Variants in TNIK observed in about 807,000 individuals in gnomAD.
TNIK encodes TRAF2 and NCK interacting kinase.
A neutral mutation model predicts 191.3 loss-of-function variants in TNIK; 49 were observed. That is an observed-to-expected ratio of 0.26 (90% CI 0.20 to 0.32). TNIK has a LOEUF of 0.32. Among genes scored for constraint, TNIK ranks in the 10% least tolerant of loss-of-function variants. TNIK has a pLI of 1.00. For missense variants in TNIK, 1,155 were observed against 1,702.3 expected, an observed-to-expected ratio of 0.68 and a Z score of 5.66; for synonymous variants, 594 against 600.9, an observed-to-expected ratio of 0.99 and a Z score of 0.17.
At chr3:171,235,842 A>T (rs1744200566) in intron 2 of TNIK, among the ~76,000 whole-genome samples, 1 of 152,110 alleles carries the variant, frequency 6.6e-6, no homozygotes, top group African/African-American at 2.4e-5. Context: ...ATTTTTACAT[A>T]CATGAACTTA....
intron 2 of TNIK, among the ~76,000 whole-genome samples, chr3:171,362,996 T>C (rs548781355): frequency 6.6e-6 from 1 of 152,276 alleles, no homozygotes; most frequent in African/African-American, 2.4e-5. Context: ...CCATCCCCAC[T>C]TGCACCTCAA....
chr3:171,266,546 C>A (rs1355264833), intron 2 of TNIK, among the ~76,000 whole-genome samples: 1 of 152,154 alleles, frequency 6.6e-6, no homozygotes, highest in African/African-American at 2.4e-5. Flanking sequence ...ATTTGAAACG[C>A]CTACTTAGGG....
chr3:171,353,188 T>A (rs1713475746), intron 2 of TNIK, among the ~76,000 whole-genome samples: 1 of 152,050 alleles, frequency 6.6e-6, no homozygotes, highest in Non-Finnish European at 1.5e-5. Context: ...ACCAGAAAAT[T>A]TTAAATTAAA....
intron 1 of TNIK, among the ~76,000 whole-genome samples, chr3:171,370,125 G>A (rs1716290870): frequency 6.6e-6 from 1 of 152,168 alleles, no homozygotes; most frequent in Non-Finnish European, 1.5e-5. Flanking sequence ...TAGCTAAGAA[G>A]GGTGTTCGTG....
At chr3:171,266,767 C>T (rs1399597759) in intron 2 of TNIK, among the ~76,000 whole-genome samples, 1 of 152,182 alleles carries the variant, frequency 6.6e-6, no homozygotes, top group Non-Finnish European at 1.5e-5. Flanking sequence ...CACTTCCTTC[C>T]TCTGGCCTTT....
intron 7 of TNIK, among the ~76,000 whole-genome samples, chr3:171,183,446 T>G (rs1352848657): frequency 1.6e-4 from 24 of 152,220 alleles, no homozygotes; most frequent in Admixed American, 1.6e-3. Context: ...ACTAGTTTAT[T>G]CTTTTGAAAT....
intron 2 of TNIK, among the ~76,000 whole-genome samples, chr3:171,274,016 T>C (rs1749432000): frequency 6.6e-6 from 1 of 152,236 alleles, no homozygotes; most frequent in East Asian, 1.9e-4. Flanking sequence ...TATAGACATA[T>C]ATCCACAAGG....
chr3:171,155,104 G>A (rs1054553755), intron 12 of TNIK, among the ~76,000 whole-genome samples: 1 of 152,220 alleles, frequency 6.6e-6, no homozygotes, highest in South Asian at 2.1e-4. Flanking sequence ...GGGTAGCTAA[G>A]TGGGAATGTT....
intron 1 of TNIK, among the ~76,000 whole-genome samples, chr3:171,407,674 T>TA (rs1259445900): frequency 6.6e-6 from 1 of 152,208 alleles, no homozygotes; most frequent in African/African-American, 2.4e-5. Flanking sequence ...CAGAAACATC[T>TA]AAAAGTTTAA....
chr3:171,271,587 C>G (rs762274256), intron 2 of TNIK, among the ~76,000 whole-genome samples: 4 of 152,220 alleles, frequency 2.6e-5, no homozygotes, highest in African/African-American at 9.6e-5. Context: ...CAAAATTAAT[C>G]TCTACCTCTC....
intron 3 of TNIK, chr3:171,225,815 A>T (rs1344554340): frequency 2.9e-6 from 1 of 349,506 alleles, no homozygotes; most frequent in Non-Finnish European, 5.6e-6. Flanking sequence ...TAATGACATC[A>T]GTGGAACTCT....
At chr3:171,165,499 A>C (rs1420785649) in intron 10 of TNIK, among the ~76,000 whole-genome samples, 1 of 150,434 alleles carries the variant, frequency 6.6e-6, no homozygotes, top group Non-Finnish European at 1.5e-5. Context: ...TGCTGATCTT[A>C]CCTCTCCAAT....
At chr3:171,192,838 C>A (rs991730979) in intron 5 of TNIK, among the ~76,000 whole-genome samples, 1 of 152,164 alleles carries the variant, frequency 6.6e-6, no homozygotes, top group Non-Finnish European at 1.5e-5. Flanking sequence ...AGCAGCCAGG[C>A]CTCCTTGTTT....
intron 1 of TNIK, among the ~76,000 whole-genome samples, chr3:171,389,648 G>A (rs1023045209): frequency 6.6e-6 from 1 of 152,168 alleles, no homozygotes; most frequent in Non-Finnish European, 1.5e-5. Flanking sequence ...TCTGTGCCAT[G>A]TATGTGGCCA....
intron 2 of TNIK, among the ~76,000 whole-genome samples, chr3:171,241,252 A>C (rs1362744349): frequency 6.6e-6 from 1 of 151,794 alleles, no homozygotes; most frequent in Non-Finnish European, 1.5e-5. Flanking sequence ...CTGGTCTCAA[A>C]CTCCCGACCT....
intron 1 of TNIK, among the ~76,000 whole-genome samples, chr3:171,392,778 C>CAAAAAAAAAAAAAAAAA (rs60306915): frequency 3.2e-5 from 3 of 95,206 alleles, no homozygotes; most frequent in Non-Finnish European, 6.1e-5. Flanking sequence ...GATTCTGTCT[C>CAAAAAAAAAAAAAAAAA]AAAAAAAAAA....
intron 28 of TNIK, among the ~76,000 whole-genome samples, chr3:171,074,778 G>A (rs1453068594): frequency 1.3e-5 from 2 of 152,198 alleles, no homozygotes; most frequent in Non-Finnish European, 2.9e-5. Context: ...ACAAGAAGAT[G>A]TCAGTGCTGT....
chr3:171,129,077 C>G (rs2108583733), intron 15 of TNIK, among the ~76,000 whole-genome samples, 199 bp from the exon 16 acceptor site: 1 of 152,200 alleles, frequency 6.6e-6, no homozygotes, highest in South Asian at 2.1e-4. Context: ...AAATAGAACA[C>G]CCAAGCCATC....
chr3:171,196,522 T>A (rs1399623380), intron 4 of TNIK, among the ~76,000 whole-genome samples: 1 of 151,896 alleles, frequency 6.6e-6, no homozygotes, highest in East Asian at 1.9e-4. Context: ...GAGGATACAA[T>A]CAACAAAATC....
Sources: allele counts gnomAD v4.1 joint callset (sites outside exome capture counted in the v4.1 genomes callset), GRCh38; gene constraint gnomAD v4.1.1; transcripts MANE v1.5; gene names NCBI Gene and HGNC (gene_info 2026-07-23, HGNC 2026-07-21).